CAMK2D: variants seen among roughly 807,000 people sequenced by gnomAD.
CAMK2D encodes the protein calcium/calmodulin-dependent protein kinase type II subunit delta.
Under a neutral mutation model 84.0 loss-of-function variants are expected in CAMK2D, and 37 were observed. The ratio of observed to expected loss-of-function variants is 0.44; its 90% CI spans 0.34 to 0.58. The LOEUF (loss-of-function observed/expected upper bound fraction) is 0.58, where lower values mean the gene tolerates loss of function less well. CAMK2D is among the 20% of genes least tolerant of loss of function. The pLI, the probability that CAMK2D is intolerant of heterozygous loss-of-function variation, is 0.02. For synonymous variants in CAMK2D, 202 were observed against 212.5 expected, an observed-to-expected ratio of 0.95 and a Z score of 0.43; for missense variants, 448 against 652.5, an observed-to-expected ratio of 0.69 and a Z score of 3.41.
At chr4:113,741,697 T>C (rs1349373931) in intron 2 of CAMK2D, among the ~76,000 whole-genome samples, 1 of 152,186 alleles carries the variant, frequency 6.6e-6, no homozygotes, top group Non-Finnish European at 1.5e-5. Flanking sequence ...CTTCACATCC[T>C]TAAACGGCTT....
chr4:113,646,716 G>A (rs1161643054), intron 3 of CAMK2D, among the ~76,000 whole-genome samples: 4 of 152,162 alleles, frequency 2.6e-5, no homozygotes, highest in Admixed American at 2.6e-4. Flanking sequence ...AAGCTAAGAA[G>A]GGAGAGAGGG....
chr4:113,659,570 G>A (rs192883170), intron 3 of CAMK2D, among the ~76,000 whole-genome samples: 9 of 152,320 alleles, frequency 5.9e-5, no homozygotes, highest in African/African-American at 2.2e-4. Context: ...AAGACCATGT[G>A]AAGACACAGT....
intron 3 of CAMK2D, among the ~76,000 whole-genome samples, chr4:113,627,256 C>A (rs1328541444): frequency 6.6e-6 from 1 of 152,062 alleles, no homozygotes; most frequent in East Asian, 1.9e-4. Flanking sequence ...TAATTTGATT[C>A]TTTCAATTTA....
chr4:113,457,797 GCT>G (rs2097322704), intron 18 of CAMK2D, among the ~76,000 whole-genome samples: 1 of 152,128 alleles, frequency 6.6e-6, no homozygotes, highest in Non-Finnish European at 1.5e-5. Flanking sequence ...GCATTTATAT[GCT>G]CTCTGGAAAT....
intron 3 of CAMK2D, 149 bp downstream of exon 3, chr4:113,661,564 G>C (rs1009640373): frequency 2.3e-5 from 10 of 441,146 alleles, no homozygotes; most frequent in African/African-American, 2.0e-4. Flanking sequence ...GGAAAACTTT[G>C]AGGTATCAAA....
At chr4:113,497,158 A>C (rs2097947302) in intron 16 of CAMK2D, among the ~76,000 whole-genome samples, 1 of 151,228 alleles carries the variant, frequency 6.6e-6, no homozygotes, top group South Asian at 2.1e-4. Context: ...GTTGGGTTTC[A>C]CTAATTTTTC....
chr4:113,727,508 T>C (rs2099549787), intron 2 of CAMK2D, among the ~76,000 whole-genome samples: 1 of 152,132 alleles, frequency 6.6e-6, no homozygotes, highest in African/African-American at 2.4e-5. Context: ...CCTCATATTA[T>C]ACACAAAAGT....
chr4:113,730,627 TATGACTGAGACATTTTCCACC>T (rs2099564802), intron 2 of CAMK2D, among the ~76,000 whole-genome samples: 1 of 152,226 alleles, frequency 6.6e-6, no homozygotes, highest in African/African-American at 2.4e-5. Flanking sequence ...TAGCCAAGCC[TATGACTGAGACATTTTCCACC>T]ATACAAAACT....
chr4:113,512,313 T>G (rs888688962), intron 12 of CAMK2D, among the ~76,000 whole-genome samples: 15 of 152,232 alleles, frequency 9.9e-5, no homozygotes, highest in Admixed American at 8.5e-4. Flanking sequence ...ATATACTTTA[T>G]CTCCACTTTT....
chr4:113,655,258 T>C (rs538473296), intron 3 of CAMK2D, among the ~76,000 whole-genome samples: 4 of 152,080 alleles, frequency 2.6e-5, no homozygotes, highest in Non-Finnish European at 4.4e-5. Flanking sequence ...AGTGAATCTA[T>C]AGAGCTTTCC....
intron 2 of CAMK2D, among the ~76,000 whole-genome samples, chr4:113,729,021 GT>G (rs926799852): frequency 3.3e-5 from 5 of 152,048 alleles, no homozygotes; most frequent in African/African-American, 4.8e-5. Flanking sequence ...TGTAGTTACT[GT>G]TTTAAAAAAG....
chr4:113,644,922 G>T (rs1258812008), intron 3 of CAMK2D, among the ~76,000 whole-genome samples: 2 of 152,140 alleles, frequency 1.3e-5, no homozygotes, highest in Admixed American at 1.3e-4. Flanking sequence ...GTAGAGCAGG[G>T]GTCAGGAAAC....
rs572032870 is a variant in CAMK2D, at chr4:113,511,218, G to A, written c.947-1543C>T. ...AAGAGCATGTTTGGCAATGAAATAG[G>A]ATGAATAAAATACTCTAAAATGCAG... On this transcript the variant is annotated intron_variant, in intron 12 of 20. Coordinates refer to ENST00000511664, the MANE Select transcript of CAMK2D (RefSeq NM_001321571.2). Among the ~76,000 whole-genome samples, 39 of 152,176 alleles carry A rather than the reference G, an allele frequency of 2.6e-4. No homozygotes were observed. The South Asian group carries it at 7.7e-3, about 30-fold the overall frequency.
intron 16 of CAMK2D, among the ~76,000 whole-genome samples, chr4:113,498,442 A>G (rs1478875871): frequency 6.6e-6 from 1 of 152,204 alleles, no homozygotes; most frequent in Non-Finnish European, 1.5e-5. Context: ...AGAGAACACA[A>G]ATGAGTCCTA....
chr4:113,566,388 AT>A (rs897304518), intron 4 of CAMK2D, among the ~76,000 whole-genome samples: 32 of 151,946 alleles, frequency 2.1e-4, no homozygotes, highest in East Asian at 7.7e-4. Flanking sequence ...AATCATTGTC[AT>A]TTTTTTTCTT....
chr4:113,755,614 A>C (rs751489432), intron 2 of CAMK2D, among the ~76,000 whole-genome samples: 6 of 151,956 alleles, frequency 3.9e-5, no homozygotes, highest in Non-Finnish European at 7.4e-5. Context: ...AGGCTTTGAA[A>C]TGCAAAATAA....
chr4:113,462,544 C>A (rs750753985), intron 17 of CAMK2D, among the ~76,000 whole-genome samples: 1 of 152,052 alleles, frequency 6.6e-6, no homozygotes, highest in Non-Finnish European at 1.5e-5. Flanking sequence ...TGGATTAGCT[C>A]TGGCTGGAAA....
intron 5 of CAMK2D, chr4:113,548,817 GAAACAAAC>G: frequency 1.6e-6 from 1 of 642,632 alleles, no homozygotes; most frequent in Non-Finnish European, 2.8e-6. Flanking sequence ...AAGTCCCAAT[GAAACAAAC>G]AAACAAACAA....
intron 2 of CAMK2D, among the ~76,000 whole-genome samples, chr4:113,752,583 T>A (rs1430480452): frequency 6.6e-6 from 1 of 152,176 alleles, no homozygotes; most frequent in Non-Finnish European, 1.5e-5. Context: ...CTGAGTAGGT[T>A]TCTCTGGGCT....
Sources: gnomAD v4.1 joint callset for allele counts (sites outside exome capture counted in the v4.1 genomes callset) on GRCh38, gnomAD v4.1.1 for gene constraint, MANE v1.5 for transcripts, NCBI Gene and HGNC (gene_info 2026-07-23, HGNC 2026-07-21) for gene names.